PARP11: variants seen among roughly 807,000 people sequenced by gnomAD.
PARP11 encodes the protein protein mono-ADP-ribosyltransferase PARP11.
In PARP11, 31 loss-of-function variants were observed where a neutral mutation model predicts 42.9. The observed-to-expected ratio is 0.72, with a 90% CI of 0.54 to 0.98. The LOEUF (loss-of-function observed/expected upper bound fraction) is 0.98. PARP11 is among the 50% of genes least tolerant of loss of function. The pLI, the probability that PARP11 is intolerant of heterozygous loss-of-function variation, is 0.00. For synonymous variants in PARP11, 137 were observed against 127.3 expected, an observed-to-expected ratio of 1.08 and a Z score of -0.51; for missense variants, 365 against 413.1, an observed-to-expected ratio of 0.88 and a Z score of 1.01.
At chr12:3,856,763 TG>T (rs1394566924) in intron 1 of PARP11, among the ~76,000 whole-genome samples, 1 of 152,168 alleles carries the variant, frequency 6.6e-6, no homozygotes, top group Non-Finnish European at 1.5e-5. Flanking sequence ...TTTGACCCAG[TG>T]ATTTCATTAC....
intron 4 of PARP11, among the ~76,000 whole-genome samples, chr12:3,823,079 T>C (rs972368596): frequency 6.6e-6 from 1 of 152,212 alleles, no homozygotes; most frequent in Admixed American, 6.5e-5. Context: ...AGCAAAAGGC[T>C]GAACATGACA....
At chr12:3,856,409 A>C (rs974771233) in intron 1 of PARP11, among the ~76,000 whole-genome samples, 1 of 152,232 alleles carries the variant, frequency 6.6e-6, no homozygotes, top group African/African-American at 2.4e-5. Context: ...CAAAGAACTC[A>C]AACAAATTTA....
chr12:3,840,696 T>C lies in PARP11; in HGVS notation c.19-10678A>G. 8.0e-7 allele frequency: 1 copy of C among 1,246,932 alleles called. No homozygotes were observed. Among genetic ancestry groups the C allele is most frequent in the Non-Finnish European group, 1.2e-6 (1 of 844,854 alleles). 77.2% of individuals were successfully genotyped at this position (1,246,932 alleles called of 1,614,324 possible). ...GATAGAAAAGGAAGCAGGCGGAGAA[T>C]GGATACAGAAGAACGAAAAGACAAA... On this transcript the variant is annotated intron_variant, in intron 1 of 7. Transcript: ENST00000228820. This position sits in a 1 kb window ranked among gnomAD's most constrained non-coding sequence, Gnocchi z 4.4.
chr12:3,815,476 A>G (rs965010996), intron 6 of PARP11, among the ~76,000 whole-genome samples: 2 of 152,226 alleles, frequency 1.3e-5, no homozygotes, highest in Non-Finnish European at 2.9e-5. Context: ...TTTCTTGGTT[A>G]AATATACACC....
chr12:3,852,430 GAGA>G (rs1202296539), intron 1 of PARP11, among the ~76,000 whole-genome samples: 1 of 152,210 alleles, frequency 6.6e-6, no homozygotes, highest in African/African-American at 2.4e-5. Context: ...AACAGTGTAA[GAGA>G]AGACCTTAAA....
chr12:3,864,255 T>C (rs1245515082), intron 1 of PARP11, among the ~76,000 whole-genome samples: 1 of 152,258 alleles, frequency 6.6e-6, no homozygotes, highest in Non-Finnish European at 1.5e-5. Context: ...TGTTCAAATA[T>C]TAAACCTTGC....
rs1465483487 is a variant in PARP11 at position 3,840,916 on chromosome 12, C to T, written c.19-10898G>A. On this transcript the variant is annotated intron_variant, in intron 1 of 7. Transcript: ENST00000228820. This position sits in a 1 kb window ranked among gnomAD's most constrained non-coding sequence, Gnocchi z 4.4. Reference sequence around the variant, plus strand: ...TCCCCTTCTAGTTTCTCCAGAGGTACATCTAACTCCTGCAGTGCCTTCTTT... The same window carrying T: ...TCCCCTTCTAGTTTCTCCAGAGGTATATCTAACTCCTGCAGTGCCTTCTTT... 5.0e-6 allele frequency: 8 copies of T among 1,601,338 alleles called. No individual in the cohort carries two copies. In the African/African-American group the frequency reaches 8.0e-5, roughly 16 times the overall value.
intron 6 of PARP11, among the ~76,000 whole-genome samples, chr12:3,818,453 A>T (rs1266240064): frequency 6.6e-6 from 1 of 152,194 alleles, no homozygotes; most frequent in Non-Finnish European, 1.5e-5. Flanking sequence ...AGGAGCTAGA[A>T]TCCATCAACT....
At chr12:3,822,503 G>C (rs1316697305) in intron 4 of PARP11, among the ~76,000 whole-genome samples, 1 of 148,922 alleles carries the variant, frequency 6.7e-6, no homozygotes, top group South Asian at 2.1e-4. Flanking sequence ...GGAGGCTGAG[G>C]CAGGAGAATG....
chr12:3,847,454 T>TA, intron 1 of PARP11, among the ~76,000 whole-genome samples: 1 of 151,828 alleles, frequency 6.6e-6, no homozygotes, highest in African/African-American at 2.4e-5. Flanking sequence ...AACAACACAT[T>TA]AAAAAAATCA....
chr12:3,826,220 C>A lies in PARP11; in HGVS notation c.282G>T (p.Met94Ile). Reference protein sequence around the residue: ...YKIDFAEMKQMNLTTGKQRLI... With the variant: ...YKIDFAEMKQINLTTGKQRLI... Reference sequence around the variant, plus strand: ...AGCGCTGCTTTCCAGTGGTGAGATTCATTTGCTTCATTTCTGTATACAAAG... The same window carrying A: ...AGCGCTGCTTTCCAGTGGTGAGATTAATTTGCTTCATTTCTGTATACAAAG... Residue 94 changes from methionine (M) to isoleucine (I), a missense_variant, in exon 4 of 8, where the codon ATG (methionine) becomes ATT (isoleucine). Physicochemically the swap from Met to Ile is conservative, Grantham distance 10 (BLOSUM62 1). Transcript: ENST00000228820. 1 of 1,591,548 alleles carries A rather than the reference C, an allele frequency of 6.3e-7. No individual in the cohort carries two copies. The highest frequency in any genetic ancestry group is 1.2e-5 in the South Asian group (1 of 86,840).
intron 6 of PARP11, among the ~76,000 whole-genome samples, chr12:3,821,477 C>A (rs185915790): frequency 1.6e-4 from 24 of 152,232 alleles, no homozygotes; most frequent in Non-Finnish European, 2.8e-4. Flanking sequence ...TTAAAGTGTT[C>A]TTTAAAATAA....
chr12:3,873,168 C>CA (rs1458539031), intron 1 of PARP11, 44 bp downstream of exon 1: 2 of 1,378,580 alleles, frequency 1.5e-6, no homozygotes, highest in Non-Finnish European at 1.0e-6. Flanking sequence ...CCTCTCTCAT[C>CA]AACCCCGCCC....
At chr12:3,863,188 T>A (rs1948329850) in intron 1 of PARP11, among the ~76,000 whole-genome samples, 1 of 152,220 alleles carries the variant, frequency 6.6e-6, no homozygotes, top group Non-Finnish European at 1.5e-5. Context: ...TGTATAGAGA[T>A]ACATTGATTT....
chr12:3,871,481 T>G (rs1164359390), intron 1 of PARP11, among the ~76,000 whole-genome samples: 1 of 152,190 alleles, frequency 6.6e-6, no homozygotes. Context: ...TTAAGAGCAA[T>G]AGGCTATTCC....
chr12:3,870,280 TAATAA>T (rs1948452090), intron 1 of PARP11, among the ~76,000 whole-genome samples: 1 of 152,190 alleles, frequency 6.6e-6, no homozygotes, highest in African/African-American at 2.4e-5. Context: ...CTATTAGTAG[TAATAA>T]AATACAGTAG....
chr12:3,812,505 C>T lies in PARP11; in HGVS notation c.701-66G>A, dbSNP rs1947202157. The T allele has an allele frequency of 3.3e-6, 4 of 1,208,524 alleles. No homozygotes were observed. In the African/African-American group the frequency reaches 4.6e-5, roughly 14 times the overall value. 74.9% of individuals were successfully genotyped at this position (1,208,524 alleles called of 1,614,324 possible). ...AGAATATATTAAAAACAAGCAAAAA[C>T]ATTTTGTCAGGAGAATAGATGCATA... On this transcript the variant is annotated intron_variant, in intron 7 of 7. Transcript: ENST00000228820.
At chr12:3,873,157 C>T in intron 1 of PARP11, 55 bp downstream of exon 1, 2 of 1,408,502 alleles carry the variant, frequency 1.4e-6, no homozygotes, top group Non-Finnish European at 2.0e-6. Flanking sequence ...CCCCTCCCGC[C>T]CCTCTCTCAT....
At chr12:3,814,934 T>C in intron 6 of PARP11, 2 of 419,322 alleles carry the variant, frequency 4.8e-6, no homozygotes, top group Admixed American at 2.8e-5. Flanking sequence ...TACTGTGTAT[T>C]ATGTAGGTAT....
Sources: allele counts gnomAD v4.1 joint callset (sites outside exome capture counted in the v4.1 genomes callset), GRCh38; gene constraint gnomAD v4.1.1; non-coding constraint Gnocchi (gnomAD v3.1); transcripts MANE v1.5; gene names NCBI Gene and HGNC (gene_info 2026-07-23, HGNC 2026-07-21).